FEZ2: variants seen among roughly 807,000 people sequenced by gnomAD.
The protein encoded by FEZ2 is fasciculation and elongation protein zeta 2.
FEZ2 carries 51 observed loss-of-function variants against 40.4 expected under a neutral mutation model. The ratio of observed to expected loss-of-function variants is 1.26; its 90% CI spans 1.01 to 1.59. The LOEUF is 1.59. Ranked by LOEUF, FEZ2 falls within the 40% of genes most tolerant of loss-of-function variation. The probability of loss-of-function intolerance (pLI) is 0.00; values close to 1 mark genes in which losing one functional copy is unlikely to be tolerated. For synonymous variants in FEZ2, 242 were observed against 172.0 expected (o/e 1.41, Z -3.18); for missense variants, 640 against 438.3 (o/e 1.46, Z -4.11).
intron 5 of FEZ2, among the ~76,000 whole-genome samples, chr2:36,569,818 C>T (rs1336479948): frequency 6.6e-6 from 1 of 152,166 alleles, no homozygotes. Context: ...ATTTTAAAAT[C>T]TCAATATCAA....
At position 36,552,911 on chromosome 2, in the gene FEZ2, T is replaced by A; in HGVS notation, c.*252A>T. The A allele has an allele frequency of 2.2e-6, 1 of 458,570 alleles. No individual in the cohort carries two copies. Among genetic ancestry groups the A allele is most frequent in the Admixed American group, 3.9e-5 (1 of 25,962 alleles). 28.4% of individuals were successfully genotyped at this position (458,570 alleles called of 1,614,324 possible). On this transcript the variant is annotated 3_prime_UTR_variant, in exon 8 of 8. Coordinates refer to ENST00000405912, the MANE Select transcript of FEZ2 (RefSeq NM_005102.3). ...TGCACATGCACAATTAATATTACTC[T>A]CTCTTAATCTACTAAGAGAACAGTT...
intron 2 of FEZ2, among the ~76,000 whole-genome samples, chr2:36,585,763 G>A (rs1668882360): frequency 6.6e-6 from 1 of 152,226 alleles, no homozygotes; most frequent in Non-Finnish European, 1.5e-5. Flanking sequence ...CAGATGTTAT[G>A]TAATTACATT....
At chr2:36,557,345 G>C (rs143609364) in intron 6 of FEZ2, 115 of 152,180 alleles carry the variant, frequency 7.6e-4, no homozygotes, top group African/African-American at 2.6e-3. Context: ...GGCATCACTT[G>C]ATTTATCCAT....
At chr2:36,575,799 A>G (rs983852964) in intron 5 of FEZ2, among the ~76,000 whole-genome samples, 1 of 152,176 alleles carries the variant, frequency 6.6e-6, no homozygotes, top group East Asian at 1.9e-4. Flanking sequence ...ATATTTCATT[A>G]GAGTATCTTT....
rs1448443488 is a variant in FEZ2 at position 36,552,535 on chromosome 2, GTGAA to G, written c.*624_*627del. The G allele has an allele frequency of 4.2e-6, 1 of 240,808 alleles. No individual in the cohort carries two copies. The highest frequency in any genetic ancestry group is 8.3e-6 in the Non-Finnish European group (1 of 120,900). The allele number at this position is 240,808 out of a possible 1,614,324, so 14.9% of individuals were successfully genotyped here. The stretch of plus-strand genomic sequence containing the variant: ...AAAACTTAAATACAAGATTCTAAAA[GTGAA>G]TGGCAATTTAATGGTTAAAATTTGA... On this transcript the variant is annotated 3_prime_UTR_variant, in exon 8 of 8. Transcript: ENST00000405912.
intron 1 of FEZ2, 63 bp from the exon 2 acceptor site, chr2:36,591,074 T>G: frequency 1.0e-6 from 1 of 997,408 alleles, no homozygotes; most frequent in East Asian, 2.4e-5. Flanking sequence ...CTTAAACAAA[T>G]ATTCAGTGAA....
At chr2:36,584,436 G>A (rs1290986158) in intron 2 of FEZ2, among the ~76,000 whole-genome samples, 3 of 152,146 alleles carry the variant, frequency 2.0e-5, no homozygotes, top group Admixed American at 6.5e-5. Context: ...TTAGAGTTTA[G>A]TACCAGTACT....
chr2:36,559,461 T>C (rs1171056479), intron 5 of FEZ2, among the ~76,000 whole-genome samples: 1 of 152,216 alleles, frequency 6.6e-6, no homozygotes, highest in East Asian at 1.9e-4. Context: ...GATCTTATCC[T>C]GCCCATAACT....
At chr2:36,567,818 TAGG>T (rs1216274578) in intron 5 of FEZ2, among the ~76,000 whole-genome samples, 3 of 149,148 alleles carry the variant, frequency 2.0e-5, no homozygotes, top group East Asian at 2.0e-4. Context: ...GAGTAGCAAG[TAGG>T]AGATCAGTGA....
At position 36,598,002 on chromosome 2, in the gene FEZ2, G is replaced by A. The variant is rs1389328437; in HGVS notation, c.141C>T (p.Phe47=). The change falls in exon 1 of 8, where the codon TTC becomes TTT. Residue 47 remains phenylalanine, a synonymous_variant. Coordinates refer to ENST00000405912, the MANE Select transcript of FEZ2 (RefSeq NM_005102.3). ...CCTCCAAGCTGCAGGCCGGGGCCGGGAAACCGTCGGCGCCCCCACCCGCCT... is the reference window on the plus strand; with the variant it reads ...CCTCCAAGCTGCAGGCCGGGGCCGGAAAACCGTCGGCGCCCCCACCCGCCT... ...GAEAGGGADG[F]PAPACSLEEK... is the part of the protein sequence containing the mutation. 27 of 1,494,248 alleles carry A rather than the reference G, an allele frequency of 1.8e-5. No individual in the cohort carries two copies. Among genetic ancestry groups the A allele is most frequent in the Non-Finnish European group, 2.3e-5 (26 of 1,127,628 alleles). The allele number at this position is 1,494,248 out of a possible 1,614,324, so 92.6% of individuals were successfully genotyped here.
chr2:36,563,744 C>T (rs546835929), intron 5 of FEZ2, among the ~76,000 whole-genome samples: 4 of 152,196 alleles, frequency 2.6e-5, no homozygotes, highest in African/African-American at 7.2e-5. Context: ...ACAGCTCTTC[C>T]CAACATCATT....
intron 4 of FEZ2, 177 bp from the exon 5 acceptor site, chr2:36,579,042 C>T (rs1668660341): frequency 5.0e-6 from 3 of 601,008 alleles, no homozygotes; most frequent in Admixed American, 3.2e-5. Flanking sequence ...TCTACAACTT[C>T]TGGAGATCAG....
At chr2:36,596,300 C>T (rs1669220226) in intron 1 of FEZ2, among the ~76,000 whole-genome samples, 1 of 152,176 alleles carries the variant, frequency 6.6e-6, no homozygotes, top group Admixed American at 6.5e-5. Flanking sequence ...AAGCTTCCTA[C>T]CTTATTCCTG....
Position 36,597,874 on chromosome 2 carries a change from C to T in FEZ2, c.266+3G>A. On this transcript the variant is annotated splice_donor_region_variant and intron_variant, in intron 1 of 7. Coordinates refer to ENST00000405912, the MANE Select transcript of FEZ2 (RefSeq NM_005102.3). The stretch of plus-strand genomic sequence containing the variant: ...CCACTCCCGGCCGGGGCCCCGCACT[C>T]ACTCGTCCCCCTGCAGGAGGCTGCG... 7.3e-7 allele frequency: 1 copy of T among 1,363,190 alleles called. No individual in the cohort carries two copies. Among genetic ancestry groups the T allele is most frequent in the South Asian group, 1.7e-5 (1 of 59,478 alleles). The allele number at this position is 1,363,190 out of a possible 1,614,324, so 84.4% of individuals were successfully genotyped here.
chr2:36,558,777 T>C (rs1302856017), intron 5 of FEZ2: 4 of 266,028 alleles, frequency 1.5e-5, no homozygotes, highest in Non-Finnish European at 2.8e-5. Context: ...GAAAATTTCA[T>C]AGGACTAAGT....
intron 5 of FEZ2, among the ~76,000 whole-genome samples, chr2:36,577,907 C>A (rs1668622969): frequency 6.6e-6 from 1 of 152,178 alleles, no homozygotes. Context: ...TTTACCCAAC[C>A]ATCATACTCT....
Position 36,598,150 on chromosome 2 carries a change from C to T in FEZ2, c.-8G>A, listed in dbSNP as rs1359313007. ...GTCCCCGTCCGCCGCCATCGCCGCC[C>T]GGAGCAGTCGCGCGCCCCGCCCAGG... On this transcript the variant is annotated 5_prime_UTR_variant, in exon 1 of 8. Transcript: ENST00000405912. The T allele has an allele frequency of 5.5e-6, 8 of 1,461,650 alleles. No homozygotes were observed. The highest frequency in any genetic ancestry group is 1.5e-5 in the African/African-American group (1 of 67,258). 90.5% of individuals were successfully genotyped at this position (1,461,650 alleles called of 1,614,324 possible). A position where few individuals can be genotyped will look rare whatever the true frequency, so the allele number is the denominator to read the frequency against.
Position 36,578,819 on chromosome 2 carries a change from T to G in FEZ2, c.681A>C (p.Glu227Asp), listed in dbSNP as rs1031585319. The G allele has an allele frequency of 6.2e-7, 1 of 1,613,336 alleles. No individual in the cohort carries two copies. The highest frequency in any genetic ancestry group is 2.2e-5 in the East Asian group (1 of 44,890). The change falls in exon 5 of 8, where the codon GAA becomes GAC. Residue 227 changes from glutamate to aspartate, a missense_variant. Coordinates refer to ENST00000405912, the MANE Select transcript of FEZ2 (RefSeq NM_005102.3). ...AGTACTCCTTAATGGCAGTCTCAAT[T>G]TCTTCCAGGATTTCATTTAACTCAG... ...SVSELNEILE[E>D]IETAIKEYSE...
chr2:36,553,827 G>A (rs1226224567), intron 7 of FEZ2, among the ~76,000 whole-genome samples: 1 of 152,096 alleles, frequency 6.6e-6, no homozygotes, highest in Non-Finnish European at 1.5e-5. Context: ...CCAAAAAAGG[G>A]GAAGGAGTAT....
Sources: gnomAD v4.1 joint callset for allele counts (sites outside exome capture counted in the v4.1 genomes callset) on GRCh38, gnomAD v4.1.1 for gene constraint, MANE v1.5 for transcripts, NCBI Gene and HGNC (gene_info 2026-07-23, HGNC 2026-07-21) for gene names.